KPNB1: variants seen among roughly 807,000 people sequenced by gnomAD.
KPNB1 encodes importin subunit beta-1.
KPNB1 carries 7 observed loss-of-function variants against 113.0 expected under a neutral mutation model. That is an observed-to-expected ratio of 0.06 (90% CI 0.04 to 0.12). KPNB1 has a LOEUF of 0.12. Ranked by LOEUF, KPNB1 falls within the 10% of genes least tolerant of loss-of-function variation. The pLI is 1.00. For synonymous variants in KPNB1, 363 were observed against 378.6 expected (o/e 0.96, Z 0.48); for missense variants, 400 against 1,054.8 (o/e 0.38, Z 8.60).
intron 21 of KPNB1, among the ~76,000 whole-genome samples, 191 bp from the exon 22 acceptor site, chr17:47,682,213 C>T (rs555592966): frequency 4.6e-5 from 7 of 152,284 alleles, no homozygotes; most frequent in East Asian, 1.9e-4. Context: ...GAGTTTCCCT[C>T]GCACCCTCTG....
intron 9 of KPNB1, 120 bp from the exon 10 acceptor site, chr17:47,668,066 T>G (rs568488170): frequency 4.7e-4 from 324 of 695,540 alleles, no homozygotes; most frequent in Non-Finnish European, 7.5e-4. Context: ...AATATAAAGG[T>G]CTTATATTTT....
Position 47,654,909 on chromosome 17 carries a change from C to T in KPNB1, c.283-1951C>T, listed in dbSNP as rs141757396. Among the ~76,000 whole-genome samples, 316 of 152,190 alleles carry T rather than the reference C, an allele frequency of 2.1e-3. 4 individuals carry two copies. Among genetic ancestry groups the T allele is most frequent in the African/African-American group, 7.2e-3 (298 of 41,524 alleles). On this transcript the variant is annotated intron_variant, in intron 3 of 21. Coordinates refer to ENST00000290158, the MANE Select transcript of KPNB1 (RefSeq NM_002265.6). ...TCATTCCCTCGTGTCTTTGACATACCGTTTTTGTCCATTCTAGCTCTGCTA... is the reference window on the plus strand; with the variant it reads ...TCATTCCCTCGTGTCTTTGACATACTGTTTTTGTCCATTCTAGCTCTGCTA...
chr17:47,675,901 T>G (rs1043055621), intron 15 of KPNB1, among the ~76,000 whole-genome samples: 8 of 152,318 alleles, frequency 5.3e-5, no homozygotes, highest in African/African-American at 1.7e-4. Context: ...ATGTGACCAC[T>G]CCTCTGAAAG....
At chr17:47,657,635 G>T (rs546942692) in intron 4 of KPNB1, among the ~76,000 whole-genome samples, 76 of 152,292 alleles carry the variant, frequency 5.0e-4, no homozygotes, top group African/African-American at 1.7e-3. Context: ...GCCCTTAAAT[G>T]CCCTGAAGCT....
chr17:47,657,460 A>C (rs2029942285), intron 4 of KPNB1, among the ~76,000 whole-genome samples: 1 of 152,180 alleles, frequency 6.6e-6, no homozygotes, highest in Non-Finnish European at 1.5e-5. Context: ...TAGCCACTGG[A>C]GACACAGTAT....
At chr17:47,656,365 G>A (rs2029903780) in intron 3 of KPNB1, among the ~76,000 whole-genome samples, 1 of 151,988 alleles carries the variant, frequency 6.6e-6, no homozygotes, top group African/African-American at 2.4e-5. Context: ...GGCAACATAG[G>A]GAGACCCCCA....
chr17:47,664,112 A>G, intron 7 of KPNB1, 47 bp from the exon 8 acceptor site: 1 of 1,252,916 alleles, frequency 8.0e-7, no homozygotes, highest in Non-Finnish European at 1.2e-6. Flanking sequence ...GCAGGGACTC[A>G]CTTGAATCAG....
Position 47,680,494 on chromosome 17 carries a change from T to C in KPNB1, c.2469-14T>C. 6.2e-7 allele frequency: 1 copy of C among 1,613,794 alleles called. No homozygotes were observed. Among genetic ancestry groups the C allele is most frequent in the Non-Finnish European group, 8.5e-7 (1 of 1,179,738 alleles). On this transcript the variant is annotated splice_polypyrimidine_tract_variant and intron_variant, in intron 20 of 21. Transcript: ENST00000290158. ...GGCTAGGAGCTCATTCTCAGCTGTG[T>C]TTGTTTTGCACAGGGACTTATGTAC... is the stretch of plus-strand genomic sequence containing the variant.
rs1450112604 is a variant in KPNB1 at position 47,674,733 on chromosome 17, T to C, written c.1863T>C (p.Ser621=). Residue 621 remains serine (S), a synonymous_variant, in exon 15 of 22, where the codon TCT becomes TCC. Transcript: ENST00000290158. ...GGATGTTCCAAAGCACAGCTGGGTC[T>C]GGGGGAGTACAAGAGGATGCCCTGA... ...LLRMFQSTAG[S]GGVQEDALMA... is the part of the protein sequence containing the mutation. The C allele has an allele frequency of 1.9e-6, 3 of 1,614,044 alleles. No homozygotes were observed. The African/African-American group carries it at 4.0e-5, about 22-fold the overall frequency.
intron 5 of KPNB1, among the ~76,000 whole-genome samples, chr17:47,659,929 T>A (rs2030040797): frequency 6.6e-6 from 1 of 151,886 alleles, no homozygotes; most frequent in Non-Finnish European, 1.5e-5. Flanking sequence ...TATGTATATG[T>A]ATGTGTATGT....
At chr17:47,663,657 CTG>C (rs2030176718) in intron 7 of KPNB1, among the ~76,000 whole-genome samples, 4 of 151,724 alleles carry the variant, frequency 2.6e-5, no homozygotes, top group Admixed American at 2.6e-4. Flanking sequence ...AAGCGAGACT[CTG>C]TCTCAAAAAG....
chr17:47,656,296 C>T (rs1273296050), intron 3 of KPNB1, among the ~76,000 whole-genome samples: 1 of 151,930 alleles, frequency 6.6e-6, no homozygotes, highest in Admixed American at 6.6e-5. Context: ...TGCCTGGGCA[C>T]AGTGGCTCAC....
intron 9 of KPNB1, among the ~76,000 whole-genome samples, chr17:47,667,281 T>C (rs1402662908): frequency 2.0e-5 from 3 of 151,908 alleles, no homozygotes; most frequent in African/African-American, 7.3e-5. Flanking sequence ...TGTGTGCCAC[T>C]ATACCCAGCT....
chr17:47,683,231 A>G lies in KPNB1; in HGVS notation c.*827A>G, dbSNP rs1195324310. 1 of 128,566 alleles carries G rather than the reference A, an allele frequency of 7.8e-6. No homozygotes were observed. Among genetic ancestry groups the G allele is most frequent in the East Asian group, 2.4e-4 (1 of 4,162 alleles). The allele number at this position is 128,566 out of a possible 1,614,324, so 8.0% of individuals were successfully genotyped here. On this transcript the variant is annotated 3_prime_UTR_variant, in exon 22 of 22. Coordinates refer to ENST00000290158, the MANE Select transcript of KPNB1 (RefSeq NM_002265.6). ...ACACTGACGAATGGTCAGAGCTCCT[A>G]TCCTGATCTTTTCATCAAGGCGCCT...
At chr17:47,654,423 A>G (rs1915663322) in intron 3 of KPNB1, among the ~76,000 whole-genome samples, 1 of 151,790 alleles carries the variant, frequency 6.6e-6, no homozygotes, top group African/African-American at 2.4e-5. Context: ...CTTAAAAAAA[A>G]AAAAAAAAAA....
intron 21 of KPNB1, among the ~76,000 whole-genome samples, chr17:47,682,037 C>T (rs2030801868): frequency 6.6e-6 from 1 of 152,126 alleles, no homozygotes; most frequent in South Asian, 2.1e-4. Context: ...TCCTGTTGCC[C>T]AGGCTGGGTT....
At chr17:47,655,885 C>A (rs1915703139) in intron 3 of KPNB1, among the ~76,000 whole-genome samples, 1 of 152,138 alleles carries the variant, frequency 6.6e-6, no homozygotes, top group Admixed American at 6.5e-5. Context: ...GGTTCTAGGG[C>A]AGTGTTGATT....
intron 6 of KPNB1, among the ~76,000 whole-genome samples, chr17:47,662,576 CAAA>C (rs777358811): frequency 4.9e-5 from 6 of 121,690 alleles, no homozygotes; most frequent in Non-Finnish European, 7.0e-5. Context: ...AAGACTGTCT[CAAA>C]AAAAAAAAAA....
rs367812711 is a variant in KPNB1 at position 47,652,783 on chromosome 17, C to T, written c.189C>T (p.Asn63=). The change falls in exon 3 of 22, where the codon AAC becomes AAT. Residue 63 remains asparagine, a synonymous_variant. Coordinates refer to ENST00000290158, the MANE Select transcript of KPNB1 (RefSeq NM_002265.6). ...ARVAAGLQIK[N]SLTSKDPDIK... ...TTGCAGCTGGTCTACAAATCAAGAA[C>T]TCTTTGACATCTAAAGATCCAGATA... 3 of 1,613,148 alleles carry T rather than the reference C, an allele frequency of 1.9e-6. No individual in the cohort carries two copies. Among genetic ancestry groups the T allele is most frequent in the Non-Finnish European group, 2.5e-6 (3 of 1,179,762 alleles).
Sources: gnomAD v4.1 joint callset for allele counts (sites outside exome capture counted in the v4.1 genomes callset) on GRCh38, gnomAD v4.1.1 for gene constraint, MANE v1.5 for transcripts, NCBI Gene and HGNC (gene_info 2026-07-23, HGNC 2026-07-21) for gene names.